The following KCNT2 variants were observed in gnomAD, a reference collection of about 807,000 sequenced individuals.
The protein encoded by KCNT2 is potassium channel subfamily T member 2.
A neutral mutation model predicts 153.8 loss-of-function variants in KCNT2; 67 were observed. The observed-to-expected ratio is 0.44, with a 90% CI of 0.36 to 0.53. The LOEUF (loss-of-function observed/expected upper bound fraction) is 0.53, where lower values mean the gene tolerates loss of function less well. Among genes scored for constraint, KCNT2 ranks in the 20% least tolerant of loss-of-function variants. The pLI is 0.00. For synonymous variants in KCNT2, 500 were observed against 458.8 expected (o/e 1.09, Z -1.15); for missense variants, 975 against 1,354.8 (o/e 0.72, Z 4.40).
At chr1:196,374,530 T>G (rs1289873966) in intron 13 of KCNT2, among the ~76,000 whole-genome samples, 1 of 151,808 alleles carries the variant, frequency 6.6e-6, no homozygotes, top group Non-Finnish European at 1.5e-5. Context: ...TGATAATCTC[T>G]CTCCCCACAC....
chr1:196,433,595 T>C (rs1226755107), intron 8 of KCNT2, among the ~76,000 whole-genome samples: 1 of 152,052 alleles, frequency 6.6e-6, no homozygotes, highest in African/African-American at 2.4e-5. Context: ...ATGACACATA[T>C]ATTATGTCCC....
At chr1:196,531,222 G>A (rs1309723439) in intron 1 of KCNT2, among the ~76,000 whole-genome samples, 1 of 152,004 alleles carries the variant, frequency 6.6e-6, no homozygotes, top group Non-Finnish European at 1.5e-5. Flanking sequence ...ACCCATCCAT[G>A]TCTTCTTGCC....
chr1:196,261,508 C>G (rs1037349854), intron 25 of KCNT2, among the ~76,000 whole-genome samples: 1 of 151,286 alleles, frequency 6.6e-6, no homozygotes, highest in Non-Finnish European at 1.5e-5. Flanking sequence ...TATAAAAGGA[C>G]AGTAAAAGGA....
chr1:196,244,383 C>T (rs987847051), intron 26 of KCNT2, among the ~76,000 whole-genome samples: 1 of 152,058 alleles, frequency 6.6e-6, no homozygotes. Flanking sequence ...GTACAGAGCA[C>T]CAAGTGGGCT....
intron 1 of KCNT2, among the ~76,000 whole-genome samples, chr1:196,556,553 A>G (rs1658693974): frequency 6.6e-6 from 1 of 151,442 alleles, no homozygotes; most frequent in Non-Finnish European, 1.5e-5. Flanking sequence ...TAGCTCAACC[A>G]GTATAGAAAA....
intron 1 of KCNT2, among the ~76,000 whole-genome samples, chr1:196,551,913 G>A (rs964496301): frequency 2.6e-5 from 4 of 151,462 alleles, no homozygotes; most frequent in Admixed American, 1.3e-4. Flanking sequence ...TTGAATTGTT[G>A]TGCCTATAAC....
intron 1 of KCNT2, among the ~76,000 whole-genome samples, chr1:196,601,680 T>A (rs1039295917): frequency 1.3e-5 from 2 of 152,220 alleles, no homozygotes; most frequent in Non-Finnish European, 2.9e-5. Context: ...GTTTCACCAA[T>A]TTTATAGCCA....
At chr1:196,453,038 T>C (rs904026289) in intron 8 of KCNT2, among the ~76,000 whole-genome samples, 6 of 152,106 alleles carry the variant, frequency 3.9e-5, no homozygotes, top group Non-Finnish European at 8.8e-5. Context: ...AATGAGAAGC[T>C]GTTTTTGCCT....
At chr1:196,291,340 G>T (rs1297355479) in intron 22 of KCNT2, among the ~76,000 whole-genome samples, 1 of 151,318 alleles carries the variant, frequency 6.6e-6, no homozygotes, top group Non-Finnish European at 1.5e-5. Flanking sequence ...TTTCCTTACA[G>T]AGAGGAAAAA....
At position 196,490,066 on chromosome 1, in the gene KCNT2, G is replaced by T. The variant is rs1679742099; in HGVS notation, c.176-129C>A. 6 of 447,994 alleles carry T rather than the reference G, an allele frequency of 1.3e-5. No homozygotes were observed. The South Asian group carries it at 3.1e-4, about 24-fold the overall frequency. 27.8% of individuals were successfully genotyped at this position (447,994 alleles called of 1,614,324 possible). On this transcript the variant is annotated intron_variant, in intron 2 of 27. Transcript: ENST00000294725. ...ATTTAGAAGCTGCACTACTATAATT[G>T]TCTAAACTCTCTGAAGTTCTTGGTG...
intron 1 of KCNT2, among the ~76,000 whole-genome samples, chr1:196,554,324 G>A (rs1263589151): frequency 1.3e-5 from 2 of 151,030 alleles, no homozygotes; most frequent in Non-Finnish European, 3.0e-5. Context: ...AAAGGAGATA[G>A]TACAACTGAT....
chr1:196,514,477 G>A (rs1681891549), intron 1 of KCNT2, among the ~76,000 whole-genome samples: 1 of 151,900 alleles, frequency 6.6e-6, no homozygotes, highest in African/African-American at 2.4e-5. Flanking sequence ...TTCTATGTGG[G>A]GAAAACACCA....
At position 196,531,503 on chromosome 1, in the gene KCNT2, A is replaced by G. The variant is rs544921869; in HGVS notation, c.96-39162T>C. Among the ~76,000 whole-genome samples the G allele has an allele frequency of 9.7e-4, 148 of 152,252 alleles. 2 individuals are homozygous for G. The highest frequency in any genetic ancestry group is 2.1e-3 in the African/African-American group (86 of 41,566). On this transcript the variant is annotated intron_variant, in intron 1 of 27. Transcript: ENST00000294725. ...CTCCTACTTTCTATTATTAATGAGA[A>G]TAAAATAAGAATGTATAGGAAATAC...
chr1:196,573,433 G>GT (rs903918396), intron 1 of KCNT2, among the ~76,000 whole-genome samples: 13 of 151,388 alleles, frequency 8.6e-5, no homozygotes, highest in African/African-American at 3.1e-4. Context: ...GCTGAATCAT[G>GT]TTTTTTTTTA....
chr1:196,352,198 A>G (rs1339520022), intron 14 of KCNT2, among the ~76,000 whole-genome samples: 1 of 151,942 alleles, frequency 6.6e-6, no homozygotes, highest in Non-Finnish European at 1.5e-5. Context: ...CGGCTTTGGT[A>G]TCAGGATGAT....
chr1:196,543,379 T>C (rs1656641646), intron 1 of KCNT2, among the ~76,000 whole-genome samples: 1 of 152,096 alleles, frequency 6.6e-6, no homozygotes, highest in Non-Finnish European at 1.5e-5. Flanking sequence ...GTATTATTAA[T>C]CTGAAGTCTC....
At chr1:196,513,226 G>A (rs1681779612) in intron 1 of KCNT2, among the ~76,000 whole-genome samples, 1 of 152,158 alleles carries the variant, frequency 6.6e-6, no homozygotes, top group Non-Finnish European at 1.5e-5. Flanking sequence ...ATAACTGTAT[G>A]CTCAGCACCT....
At chr1:196,437,640 T>C (rs902913782) in intron 8 of KCNT2, among the ~76,000 whole-genome samples, 2 of 150,610 alleles carry the variant, frequency 1.3e-5, no homozygotes, top group African/African-American at 4.8e-5. Flanking sequence ...AATGAAAAAT[T>C]GCAAATGAAT....
intron 14 of KCNT2, among the ~76,000 whole-genome samples, chr1:196,347,733 A>G (rs1314708108): frequency 1.3e-5 from 2 of 152,074 alleles, no homozygotes; most frequent in African/African-American, 4.8e-5. Context: ...GCTTTCTCTT[A>G]TGCACATCAG....
Sources: allele counts gnomAD v4.1 joint callset (sites outside exome capture counted in the v4.1 genomes callset), GRCh38; gene constraint gnomAD v4.1.1; transcripts MANE v1.5; gene names NCBI Gene and HGNC (gene_info 2026-07-23, HGNC 2026-07-21).